Variants in PTPRQ observed in about 807,000 individuals in gnomAD.
PTPRQ encodes phosphatidylinositol phosphatase PTPRQ.
Under a neutral mutation model 246.0 loss-of-function variants are expected in PTPRQ, and 199 were observed. That is an observed-to-expected ratio of 0.81 (90% CI 0.72 to 0.91). PTPRQ has a LOEUF of 0.91. Among genes scored for constraint, PTPRQ ranks in the 40% least tolerant of loss-of-function variants. PTPRQ has a pLI of 0.00. For missense variants in PTPRQ, 2,624 were observed against 2,528.4 expected, an observed-to-expected ratio of 1.04 and a Z score of -0.81; for synonymous variants, 869 against 853.2, an observed-to-expected ratio of 1.02 and a Z score of -0.32.
intron 39 of PTPRQ, among the ~76,000 whole-genome samples, chr12:80,663,526 G>A (rs1406832712): frequency 6.6e-6 from 1 of 151,844 alleles, no homozygotes; most frequent in Non-Finnish European, 1.5e-5. Context: ...ATCAAGCATA[G>A]GACACACCAT....
At chr12:80,517,720 G>A (rs1289545658) in intron 17 of PTPRQ, among the ~76,000 whole-genome samples, 2 of 148,712 alleles carry the variant, frequency 1.3e-5, no homozygotes, top group Non-Finnish European at 3.0e-5. Flanking sequence ...CAATTGTTTT[G>A]ATATTTAGCA....
intron 33 of PTPRQ, 124 bp downstream of exon 33, chr12:80,622,258 G>A (rs1899023538): frequency 1.2e-6 from 1 of 834,272 alleles, no homozygotes; most frequent in East Asian, 3.6e-5. Flanking sequence ...ATGTTAATTA[G>A]CCTCTCTAGT....
intron 38 of PTPRQ, among the ~76,000 whole-genome samples, chr12:80,654,693 CAAA>C (rs57224729): frequency 2.7e-5 from 3 of 112,102 alleles, no homozygotes; most frequent in East Asian, 2.7e-4. Context: ...ACTAAAAATC[CAAA>C]AAAAAAAAAA....
chr12:80,666,188 G>T (rs1439660193), intron 39 of PTPRQ, among the ~76,000 whole-genome samples: 2 of 151,950 alleles, frequency 1.3e-5, no homozygotes, highest in African/African-American at 4.8e-5. Flanking sequence ...ACAGATGAAT[G>T]AATAAAGAAA....
intron 7 of PTPRQ, among the ~76,000 whole-genome samples, chr12:80,471,618 C>T (rs1287641588): frequency 2.9e-5 from 3 of 102,602 alleles, no homozygotes; most frequent in Non-Finnish European, 2.0e-5. Context: ...GCTGGGACTA[C>T]AGGCGCGCGC....
At chr12:80,586,561 A>C (rs573587468) in intron 25 of PTPRQ, 1 of 152,124 alleles carries the variant, frequency 6.6e-6, no homozygotes, top group Non-Finnish European at 1.5e-5. Context: ...TACCCAAAGG[A>C]CTATAAATCA....
chr12:80,658,961 C>T (rs927800410), intron 39 of PTPRQ, among the ~76,000 whole-genome samples: 7 of 151,990 alleles, frequency 4.6e-5, no homozygotes, highest in African/African-American at 1.7e-4. Flanking sequence ...GTCTCATTCC[C>T]TCCAAGCCTT....
At chr12:80,672,577 C>G (rs1251741605) in intron 42 of PTPRQ, among the ~76,000 whole-genome samples, 1 of 151,912 alleles carries the variant, frequency 6.6e-6, no homozygotes, top group East Asian at 1.9e-4. Context: ...ATTTCCGAAT[C>G]AATCTTGTGA....
rs1259269254 is a variant in PTPRQ at position 80,534,071 on chromosome 12, A to G, written c.2735A>G (p.Asp912Gly). 1 of 1,536,900 alleles carries G rather than the reference A, an allele frequency of 6.5e-7. No individual in the cohort carries two copies. Among genetic ancestry groups the G allele is most frequent in the Non-Finnish European group, 8.8e-7 (1 of 1,142,052 alleles). The stretch of plus-strand genomic sequence containing the variant: ...ACTGAAACATCATTGGAGTTATCAG[A>G]TTTGGATTATAATGTTGAATACAGT... ...NVTETSLELS[D>G]LDYNVEYSAY... is the part of the protein sequence containing the mutation. The change falls in exon 18 of 45, where the codon GAT (aspartate) becomes GGT (glycine). Residue 912 changes from aspartate to glycine, a missense_variant. Coordinates refer to ENST00000644991, the MANE Select transcript of PTPRQ (RefSeq NM_001145026.2).
At chr12:80,456,488 C>T (rs1801717198) in intron 3 of PTPRQ, among the ~76,000 whole-genome samples, 2 of 152,040 alleles carry the variant, frequency 1.3e-5, no homozygotes, top group Non-Finnish European at 1.5e-5. Flanking sequence ...ATTAACATGT[C>T]AATATATGCT....
chr12:80,472,048 G>T, intron 7 of PTPRQ, 57 bp from the exon 8 acceptor site: 1 of 1,542,984 alleles, frequency 6.5e-7, no homozygotes, highest in South Asian at 1.2e-5. Context: ...ACTTAAATGT[G>T]AACATGATTG....
intron 3 of PTPRQ, among the ~76,000 whole-genome samples, chr12:80,455,241 G>A (rs1358993558): frequency 6.6e-6 from 1 of 152,108 alleles, no homozygotes; most frequent in African/African-American, 2.4e-5. Context: ...TTTATAAAGT[G>A]TCTTTATAGA....
intron 25 of PTPRQ, among the ~76,000 whole-genome samples, chr12:80,551,730 T>C (rs1001969860): frequency 5.3e-5 from 8 of 152,214 alleles, no homozygotes; most frequent in African/African-American, 1.9e-4. Context: ...TCTCTAGCTT[T>C]TTATTCTTAT....
At chr12:80,576,234 T>G (rs988356508) in intron 25 of PTPRQ, among the ~76,000 whole-genome samples, 3 of 152,112 alleles carry the variant, frequency 2.0e-5, no homozygotes, top group African/African-American at 7.2e-5. Flanking sequence ...CTCCACCTAC[T>G]GGGTTCAAGA....
chr12:80,520,035 T>TG (rs557232830), intron 17 of PTPRQ, among the ~76,000 whole-genome samples: 9 of 151,682 alleles, frequency 5.9e-5, no homozygotes, highest in South Asian at 2.1e-4. Flanking sequence ...GGGTGGGGAT[T>TG]GGGGGGGATA....
chr12:80,543,343 T>TA (rs1019849972), intron 23 of PTPRQ, among the ~76,000 whole-genome samples: 3 of 151,568 alleles, frequency 2.0e-5, no homozygotes, highest in African/African-American at 7.3e-5. Context: ...CCTTATTTTT[T>TA]TTTTATTTTC....
intron 25 of PTPRQ, among the ~76,000 whole-genome samples, chr12:80,558,473 T>TC (rs1017894223): frequency 8.6e-5 from 13 of 150,626 alleles, no homozygotes; most frequent in African/African-American, 2.9e-4. Flanking sequence ...TGGCCTTTTT[T>TC]TTTTTTTTTT....
At chr12:80,667,285 C>T (rs1452253079) in intron 39 of PTPRQ, among the ~76,000 whole-genome samples, 1 of 151,896 alleles carries the variant, frequency 6.6e-6, no homozygotes, top group Non-Finnish European at 1.5e-5. Flanking sequence ...TCAAAACTGT[C>T]TTCACATTAT....
intron 25 of PTPRQ, among the ~76,000 whole-genome samples, 168 bp downstream of exon 25, chr12:80,549,902 C>T (rs1390867321): frequency 2.0e-5 from 3 of 152,048 alleles, no homozygotes; most frequent in Non-Finnish European, 2.9e-5. Flanking sequence ...CAGCTGTGTA[C>T]TACATTGACC....
Sources: gnomAD v4.1 joint callset for allele counts (sites outside exome capture counted in the v4.1 genomes callset) on GRCh38, gnomAD v4.1.1 for gene constraint, MANE v1.5 for transcripts, NCBI Gene and HGNC (gene_info 2026-07-23, HGNC 2026-07-21) for gene names.